CHD6: variants seen among roughly 807,000 people sequenced by gnomAD.
CHD6 encodes the protein chromodomain helicase DNA binding protein 6, also known as ATP-dependent chromatin remodeler CHD6.
Under a neutral mutation model 276.9 loss-of-function variants are expected in CHD6, and 50 were observed. The ratio of observed to expected loss-of-function variants is 0.18; its 90% CI spans 0.14 to 0.23. The LOEUF (loss-of-function observed/expected upper bound fraction) is 0.23, where lower values mean the gene tolerates loss of function less well. Among genes scored for constraint, CHD6 ranks in the 10% least tolerant of loss-of-function variants. CHD6 has a pLI of 1.00. For missense variants in CHD6, 2,564 were observed against 3,365.8 expected (o/e 0.76, Z 5.89); for synonymous variants, 1,173 against 1,229.3 (o/e 0.95, Z 0.96).
chr20:41,402,173 G>A lies in CHD6; in HGVS notation c.*2420C>T, dbSNP rs1015383691. 4.7e-6 allele frequency: 1 copy of A among 210,622 alleles called. No homozygotes were observed. The highest frequency in any genetic ancestry group is 7.2e-5 in the East Asian group (1 of 13,904). 13.0% of individuals were successfully genotyped at this position (210,622 alleles called of 1,614,324 possible). A position where few individuals can be genotyped will look rare whatever the true frequency, so the allele number is the denominator to read the frequency against. ...ATGGGGTGAAGAATGGTCAAGGAAA[G>A]TTATGGCCGTGAGTGACATGGAATT... On this transcript the variant is annotated 3_prime_UTR_variant, in exon 37 of 37. Coordinates refer to ENST00000373233, the MANE Select transcript of CHD6 (RefSeq NM_032221.5).
intron 2 of CHD6, among the ~76,000 whole-genome samples, chr20:41,543,539 G>C (rs191119820): frequency 6.6e-6 from 1 of 152,166 alleles, no homozygotes; most frequent in East Asian, 1.9e-4. Context: ...AAATCCACTT[G>C]TTCTCCAGAT....
chr20:41,498,046 A>G, intron 7 of CHD6, 122 bp downstream of exon 7: 1 of 698,280 alleles, frequency 1.4e-6, no homozygotes, highest in Non-Finnish European at 2.5e-6. Flanking sequence ...GAGTCAGCCA[A>G]GACCTGTGGG....
chr20:41,602,614 T>A (rs544045079), intron 1 of CHD6, among the ~76,000 whole-genome samples: 1 of 152,330 alleles, frequency 6.6e-6, no homozygotes, highest in Admixed American at 6.5e-5. Context: ...CGCACTGTCA[T>A]GCTTTTACAA....
intron 17 of CHD6, chr20:41,461,614 G>A (rs1440650540): frequency 6.5e-6 from 1 of 154,920 alleles, no homozygotes; most frequent in Non-Finnish European, 1.4e-5. Context: ...CATCCATGTG[G>A]AACTGTACGT....
At chr20:41,586,346 C>A (rs1276674779) in intron 1 of CHD6, among the ~76,000 whole-genome samples, 1 of 152,230 alleles carries the variant, frequency 6.6e-6, no homozygotes, top group Non-Finnish European at 1.5e-5. Flanking sequence ...GTGCCCATTG[C>A]CACTCCTGAT....
chr20:41,578,002 T>C (rs1345128250), intron 1 of CHD6, among the ~76,000 whole-genome samples: 1 of 152,218 alleles, frequency 6.6e-6, no homozygotes, highest in Non-Finnish European at 1.5e-5. Flanking sequence ...AGGTTAAATA[T>C]TGATATTTAA....
At chr20:41,497,849 G>A (rs956532648) in intron 7 of CHD6, 2 of 441,142 alleles carry the variant, frequency 4.5e-6, no homozygotes, top group Admixed American at 7.7e-5. Context: ...TGCTACAGGA[G>A]AGTGGTTCTC....
At chr20:41,535,696 CA>C (rs546754780) in intron 2 of CHD6, among the ~76,000 whole-genome samples, 9 of 146,790 alleles carry the variant, frequency 6.1e-5, no homozygotes, top group Non-Finnish European at 9.1e-5. Flanking sequence ...CTGTCTCTAC[CA>C]AAAAAAAAAA....
At chr20:41,591,377 T>TACAC (rs879822257) in intron 1 of CHD6, among the ~76,000 whole-genome samples, 15 of 122,950 alleles carry the variant, frequency 1.2e-4, no homozygotes, top group East Asian at 5.1e-4. Context: ...TATATATATA[T>TACAC]ATACACACAC....
intron 1 of CHD6, among the ~76,000 whole-genome samples, chr20:41,555,267 G>A (rs1208373411): frequency 1.1e-4 from 15 of 142,304 alleles, no homozygotes; most frequent in African/African-American, 1.6e-4. Context: ...GGACGGGGCG[G>A]CTGGCCGGGC....
chr20:41,491,555 G>C, intron 11 of CHD6, 143 bp downstream of exon 11: 1 of 820,558 alleles, frequency 1.2e-6, no homozygotes, highest in East Asian at 2.5e-5. Flanking sequence ...AGTCTTGGAT[G>C]ATTAATGTGC....
chr20:41,530,848 C>T (rs2044667254), intron 3 of CHD6, among the ~76,000 whole-genome samples: 3 of 152,186 alleles, frequency 2.0e-5, no homozygotes, highest in Non-Finnish European at 1.5e-5. Flanking sequence ...AATAGGGTGT[C>T]TCTTGGACTT....
At position 41,595,404 on chromosome 20, in the gene CHD6, T is replaced by G. The variant is rs181061560; in HGVS notation, c.-24+22936A>C. 9.8e-3 allele frequency among the ~76,000 whole-genome samples: 1,492 copies of G among 152,198 alleles called. 19 individuals are homozygous for G. Among genetic ancestry groups the G allele is most frequent in the Non-Finnish European group, 0.015 (1,007 of 68,010 alleles). On this transcript the variant is annotated intron_variant, in intron 1 of 36. Coordinates refer to ENST00000373233, the MANE Select transcript of CHD6 (RefSeq NM_032221.5). ...GGGCACGCCTTTCCTGTCGGGGGTT[T>G]ATACCAACCCACCAATGCTAAGAGG...
intron 2 of CHD6, among the ~76,000 whole-genome samples, chr20:41,541,321 A>C (rs948979272): frequency 6.6e-6 from 1 of 152,216 alleles, no homozygotes; most frequent in Non-Finnish European, 1.5e-5. Context: ...TTTCTATTTC[A>C]ATCTATCTCT....
intron 4 of CHD6, among the ~76,000 whole-genome samples, chr20:41,514,166 G>A (rs1206261181): frequency 1.3e-5 from 2 of 152,240 alleles, no homozygotes; most frequent in Non-Finnish European, 2.9e-5. Flanking sequence ...GGAAGGTATA[G>A]TACGTCAGTC....
intron 3 of CHD6, among the ~76,000 whole-genome samples, chr20:41,522,505 T>C (rs1428557890): frequency 6.6e-6 from 1 of 152,174 alleles, no homozygotes; most frequent in Non-Finnish European, 1.5e-5. Context: ...GCAGATTACT[T>C]ATTAGTTATA....
chr20:41,510,869 T>C (rs1190277374), intron 5 of CHD6, among the ~76,000 whole-genome samples: 4 of 152,352 alleles, frequency 2.6e-5, no homozygotes, highest in Admixed American at 2.6e-4. Context: ...GTCTTGCAAG[T>C]GCTATTTTTA....
intron 13 of CHD6, 124 bp downstream of exon 13, chr20:41,488,303 CA>C: frequency 3.2e-6 from 3 of 941,294 alleles, no homozygotes; most frequent in Non-Finnish European, 3.2e-6. Flanking sequence ...TTATAGAGAC[CA>C]AAAAAGAAAA....
chr20:41,433,890 G>A (rs150387327), intron 27 of CHD6, among the ~76,000 whole-genome samples: 3 of 151,952 alleles, frequency 2.0e-5, no homozygotes, highest in Admixed American at 6.6e-5. Context: ...ATTAGTAGAC[G>A]GTGATACATT....
Sources: allele counts gnomAD v4.1 joint callset (sites outside exome capture counted in the v4.1 genomes callset), GRCh38; gene constraint gnomAD v4.1.1; transcripts MANE v1.5; gene names NCBI Gene and HGNC (gene_info 2026-07-23, HGNC 2026-07-21).